TMEM108: variants seen among roughly 807,000 people sequenced by gnomAD.
The protein encoded by TMEM108 is cancer/testis antigen 124.
A neutral mutation model predicts 35.1 loss-of-function variants in TMEM108; 12 were observed. The ratio of observed to expected loss-of-function variants is 0.34; its 90% CI spans 0.22 to 0.55. TMEM108 has a LOEUF of 0.55. Ranked by LOEUF, TMEM108 falls within the 20% of genes least tolerant of loss-of-function variation. The pLI is 0.89. For synonymous variants in TMEM108, 287 were observed against 308.6 expected (o/e 0.93, Z 0.73); for missense variants, 680 against 753.3 (o/e 0.90, Z 1.14).
In TMEM108 at chr3:133,178,001, C is replaced by T. The variant is rs141497352; in HGVS notation, c.-46-51265C>T. ...AAAATCAATGTGCAAAAATCACAAG[C>T]ATTCTTATACATCAATAACAGACAA... On this transcript the variant is annotated intron_variant, in intron 2 of 5. Coordinates refer to ENST00000321871, the MANE Select transcript of TMEM108 (RefSeq NM_023943.4). Among the ~76,000 whole-genome samples the T allele has an allele frequency of 8.2e-4, 125 of 152,290 alleles. No homozygotes were observed. The East Asian group carries it at 0.019, about 23-fold the overall frequency.
Position 133,379,806 on chromosome 3 carries a change from C to G in TMEM108, c.95C>G (p.Pro32Arg). 1 of 1,613,966 alleles carries G rather than the reference C, an allele frequency of 6.2e-7. No individual in the cohort carries two copies. The change falls in exon 4 of 6, where the codon CCA (proline) becomes CGA (arginine). Residue 32 changes from proline to arginine, a missense_variant. Physicochemically the swap from Pro to Arg is moderately radical, Grantham distance 103 (BLOSUM62 -2). Around this residue, in one of 3 missense-constraint regions of TMEM108, gnomAD observed 49 missense variants for 70.6 expected, o/e 0.69. Transcript: ENST00000321871. ...TEALAFAIQE[P>R]SPRESLQVLP... ...GCGCTGGCATTTGCCATCCAGGAAC[C>G]ATCTCCCAGGGAATCTCTTCAGGTC...
At chr3:133,178,478 A>T (rs55691832) in intron 2 of TMEM108, among the ~76,000 whole-genome samples, 3,424 of 152,008 alleles carry the variant, frequency 0.023, 132 homozygotes, top group African/African-American at 0.078. Flanking sequence ...CCAATGGAAC[A>T]GAACAGAGCC....
chr3:133,225,375 C>T (rs1946054412), intron 2 of TMEM108, among the ~76,000 whole-genome samples: 1 of 152,088 alleles, frequency 6.6e-6, no homozygotes. Flanking sequence ...ATGTAGAGCA[C>T]TTTATCTTTC....
intron 3 of TMEM108, among the ~76,000 whole-genome samples, chr3:133,271,783 A>G (rs1448476082): frequency 1.3e-5 from 2 of 152,076 alleles, no homozygotes; most frequent in African/African-American, 2.4e-5. Flanking sequence ...TGTTTTAGTC[A>G]TCTCATTTCT....
At chr3:133,301,519 T>C (rs941214852) in intron 3 of TMEM108, among the ~76,000 whole-genome samples, 22 of 152,174 alleles carry the variant, frequency 1.4e-4, no homozygotes, top group Non-Finnish European at 5.9e-5. Flanking sequence ...GTTTCAGTAA[T>C]GAGAATAAAC....
At chr3:133,329,648 G>A (rs1460988077) in intron 3 of TMEM108, among the ~76,000 whole-genome samples, 1 of 152,140 alleles carries the variant, frequency 6.6e-6, no homozygotes, top group African/African-American at 2.4e-5. Context: ...TCCTCAGAAA[G>A]CCTCCTTTTT....
At chr3:133,328,625 G>A (rs1877586) in intron 3 of TMEM108, among the ~76,000 whole-genome samples, 51,359 of 151,968 alleles carry the variant, frequency 0.34, 9,074 homozygotes, top group East Asian at 0.48. Flanking sequence ...ATGTTATCAG[G>A]CATTTCCAGG....
intron 2 of TMEM108, among the ~76,000 whole-genome samples, chr3:133,054,769 G>T (rs553990038): frequency 6.6e-6 from 1 of 152,342 alleles, no homozygotes; most frequent in Non-Finnish European, 1.5e-5. Flanking sequence ...GACCTGCACA[G>T]CTGTGAGTGG....
intron 2 of TMEM108, among the ~76,000 whole-genome samples, chr3:133,085,287 G>A (rs1943867250): frequency 6.6e-6 from 1 of 151,950 alleles, no homozygotes; most frequent in South Asian, 2.1e-4. Context: ...CATTTCCTCT[G>A]CCTTATAGTC....
chr3:133,372,462 C>T (rs189976476), intron 3 of TMEM108, among the ~76,000 whole-genome samples: 54 of 152,266 alleles, frequency 3.5e-4, no homozygotes, highest in African/African-American at 1.3e-3. Flanking sequence ...GGTGTGTGTT[C>T]ACGTGTGTTT....
chr3:133,223,413 G>C (rs1946021062), intron 2 of TMEM108, among the ~76,000 whole-genome samples: 2 of 152,168 alleles, frequency 1.3e-5, no homozygotes, highest in South Asian at 4.1e-4. Context: ...TACTGTAGTA[G>C]ACCTGTTATT....
At chr3:133,234,048 G>C (rs1369684477) in intron 3 of TMEM108, among the ~76,000 whole-genome samples, 1 of 152,020 alleles carries the variant, frequency 6.6e-6, no homozygotes, top group Non-Finnish European at 1.5e-5. Context: ...AGTTTATTTA[G>C]ATCCCATTTG....
At position 133,342,555 on chromosome 3, in the gene TMEM108, T is replaced by TATATATATATATATAC. The variant is rs60991711; in HGVS notation, c.41-37196_41-37195insTATATATATATATACA. 1.4e-3 allele frequency among the ~76,000 whole-genome samples: 87 copies of TATATATATATATATAC among 63,418 alleles called. 4 individuals carry two copies. Among genetic ancestry groups the TATATATATATATATAC allele is most frequent in the African/African-American group, 3.9e-3 (76 of 19,422 alleles). 41.6% of individuals were successfully genotyped at this position (63,418 alleles called of 152,430 possible). A position where few individuals can be genotyped will look rare whatever the true frequency, so the allele number is the denominator to read the frequency against. Reference sequence around the variant, plus strand: ...AAAAAGAAAATGTGGTATATATATATACACACACACACACAATGGAGTACT... The same window carrying TATATATATATATATAC: ...AAAAAGAAAATGTGGTATATATATATATATATATATATATACACACACACACACACAATGGAGTACT... On this transcript the variant is annotated intron_variant, in intron 3 of 5. Coordinates refer to ENST00000321871, the MANE Select transcript of TMEM108 (RefSeq NM_023943.4).
intron 2 of TMEM108, among the ~76,000 whole-genome samples, chr3:133,138,646 C>T (rs749036722): frequency 6.6e-6 from 1 of 152,062 alleles, no homozygotes; most frequent in Non-Finnish European, 1.5e-5. Flanking sequence ...CATGTATAAC[C>T]GTGTATTCAG....
chr3:133,377,870 G>T (rs951656570), intron 3 of TMEM108, among the ~76,000 whole-genome samples: 4 of 152,202 alleles, frequency 2.6e-5, no homozygotes, highest in African/African-American at 9.7e-5. Flanking sequence ...GGCACCATTA[G>T]ATTCTCATAG....
intron 2 of TMEM108, among the ~76,000 whole-genome samples, chr3:133,109,180 A>G (rs1195067086): frequency 6.6e-6 from 1 of 152,062 alleles, no homozygotes; most frequent in Non-Finnish European, 1.5e-5. Flanking sequence ...GCTCCTAACT[A>G]GCTGTGTTAT....
chr3:133,154,732 G>A (rs112077159), intron 2 of TMEM108, among the ~76,000 whole-genome samples: 2,288 of 152,024 alleles, frequency 0.015, 44 homozygotes, highest in African/African-American at 0.052. Context: ...GACGGGGAAG[G>A]GATAGTATTA....
chr3:133,204,990 T>C (rs903720899), intron 2 of TMEM108, among the ~76,000 whole-genome samples: 3 of 152,228 alleles, frequency 2.0e-5, no homozygotes, highest in African/African-American at 4.8e-5. Flanking sequence ...TGCTCCTGTA[T>C]TGGGTGCATA....
chr3:133,334,163 G>C (rs1388205381), intron 3 of TMEM108, among the ~76,000 whole-genome samples: 1 of 152,150 alleles, frequency 6.6e-6, no homozygotes, highest in Middle Eastern at 3.2e-3. Context: ...TGTTGAGTTA[G>C]AATCAGACCA....
Sources: gnomAD v4.1 joint callset for allele counts (sites outside exome capture counted in the v4.1 genomes callset) on GRCh38, gnomAD v4.1.1 for gene constraint, gnomAD v4.1.1 regional missense constraint, MANE v1.5 for transcripts, NCBI Gene and HGNC (gene_info 2026-07-23, HGNC 2026-07-21) for gene names.